Variants in CSMD1 observed in about 807,000 individuals in gnomAD.
The protein encoded by CSMD1 is CUB and sushi domain-containing protein 1.
In CSMD1, 213 loss-of-function variants were observed where a neutral mutation model predicts 417.5. The observed-to-expected ratio is 0.51, with a 90% confidence interval of 0.46 to 0.57. CSMD1 has a LOEUF of 0.57. Ranked by LOEUF, CSMD1 falls within the 20% of genes least tolerant of loss-of-function variation. The pLI is 0.00. For synonymous variants in CSMD1, 2,862 were observed against 1,736.8 expected (o/e 1.65, Z -16.11); for missense variants, 6,923 against 4,529.7 (o/e 1.53, Z -15.17).
intron 1 of CSMD1, among the ~76,000 whole-genome samples, chr8:4,859,831 C>G (rs552208035): frequency 1.6e-4 from 25 of 152,204 alleles, no homozygotes; most frequent in African/African-American, 6.0e-4. Context: ...ACTAGTTCAA[C>G]CATTGTGGAA....
At position 3,021,484 on chromosome 8, in the gene CSMD1, C is replaced by G. The variant is rs568140016; in HGVS notation, c.7856-2834G>C. ...GCCTTATTTTTATGTTCTTTTTCCT[C>G]TGAAGTTTCTAAAAATGAATTGCTT... On this transcript the variant is annotated intron_variant, in intron 51 of 69. Coordinates refer to ENST00000635120, the MANE Select transcript of CSMD1 (RefSeq NM_033225.6). Among the ~76,000 whole-genome samples, 6 of 152,336 alleles carry G rather than the reference C, an allele frequency of 3.9e-5. No individual in the cohort carries two copies. The South Asian group carries it at 1.2e-3, about 32-fold the overall frequency.
chr8:3,241,069 G>A (rs1191383610), intron 26 of CSMD1, among the ~76,000 whole-genome samples: 1 of 145,122 alleles, frequency 6.9e-6, no homozygotes, highest in Non-Finnish European at 1.5e-5. Flanking sequence ...GTTAAGGTGA[G>A]GGGATACAAG....
intron 4 of CSMD1, among the ~76,000 whole-genome samples, chr8:4,027,929 T>A (rs1490829448): frequency 6.6e-6 from 1 of 152,008 alleles, no homozygotes; most frequent in Non-Finnish European, 1.5e-5. Flanking sequence ...ATGGAAATAA[T>A]GGTAGAAATA....
chr8:4,342,016 T>C (rs914073111), intron 3 of CSMD1, among the ~76,000 whole-genome samples: 1 of 152,122 alleles, frequency 6.6e-6, no homozygotes, highest in Non-Finnish European at 1.5e-5. Context: ...TTTTAAGACT[T>C]GGTCTCAAGA....
intron 23 of CSMD1, among the ~76,000 whole-genome samples, chr8:3,311,664 C>T (rs1180133799): frequency 1.3e-5 from 2 of 152,258 alleles, no homozygotes; most frequent in South Asian, 2.1e-4. Context: ...ATACTTTCTA[C>T]TGAACGTGTA....
chr8:3,943,484 C>T (rs1276201116), intron 5 of CSMD1, among the ~76,000 whole-genome samples: 2 of 143,972 alleles, frequency 1.4e-5, no homozygotes, highest in Non-Finnish European at 3.0e-5. Context: ...TCAGTGGGTG[C>T]TGAAATTAGT....
Position 3,610,759 on chromosome 8 carries a change from A to C in CSMD1, c.1097+5951T>G, listed in dbSNP as rs530827037. 5.9e-5 allele frequency among the ~76,000 whole-genome samples: 9 copies of C among 152,126 alleles called. No homozygotes were observed. The South Asian group carries it at 1.4e-3, about 25-fold the overall frequency. ...TATGCTCAGTAGAATTGCATACTTA[A>C]TGCATCTCTTTTTAAGGTGTGCCCC... On this transcript the variant is annotated intron_variant, in intron 8 of 69. Transcript: ENST00000635120.
At chr8:4,386,584 G>A (rs1442109227) in intron 3 of CSMD1, among the ~76,000 whole-genome samples, 1 of 152,224 alleles carries the variant, frequency 6.6e-6, no homozygotes, top group East Asian at 1.9e-4. Flanking sequence ...AGAAAGGCCT[G>A]TTACGGCAGG....
chr8:3,203,159 T>G (rs1421251561), intron 31 of CSMD1, among the ~76,000 whole-genome samples: 1 of 152,230 alleles, frequency 6.6e-6, no homozygotes, highest in Non-Finnish European at 1.5e-5. Context: ...AAGGGGATAG[T>G]AACATGGTCT....
intron 5 of CSMD1, among the ~76,000 whole-genome samples, chr8:3,804,051 T>C (rs2129073834): frequency 6.6e-6 from 1 of 152,222 alleles, no homozygotes; most frequent in African/African-American, 2.4e-5. Flanking sequence ...CCTCAGCCTC[T>C]GAGTAGCTGC....
chr8:4,568,734 C>A (rs981527429), intron 2 of CSMD1, among the ~76,000 whole-genome samples: 5 of 152,260 alleles, frequency 3.3e-5, no homozygotes, highest in African/African-American at 1.2e-4. Flanking sequence ...TACACTCCCA[C>A]CAACAGTGTA....
At chr8:4,240,541 T>A (rs1039631818) in intron 3 of CSMD1, among the ~76,000 whole-genome samples, 7 of 152,224 alleles carry the variant, frequency 4.6e-5, no homozygotes, top group African/African-American at 1.7e-4. Flanking sequence ...TGTAGTGTCC[T>A]CTTAGAAGCC....
chr8:4,963,814 A>T (rs1016690628), intron 1 of CSMD1, among the ~76,000 whole-genome samples: 1 of 152,172 alleles, frequency 6.6e-6, no homozygotes, highest in Non-Finnish European at 1.5e-5. Context: ...AATTATTGAA[A>T]TTTTCACTAA....
intron 4 of CSMD1, among the ~76,000 whole-genome samples, chr8:4,030,400 G>C (rs761288545): frequency 6.6e-6 from 1 of 152,184 alleles, no homozygotes; most frequent in East Asian, 1.9e-4. Flanking sequence ...ACATTCGCAG[G>C]CTCAACACCA....
intron 10 of CSMD1, among the ~76,000 whole-genome samples, chr8:3,553,847 G>A (rs543994168): frequency 6.6e-6 from 1 of 152,128 alleles, no homozygotes; most frequent in Non-Finnish European, 1.5e-5. Context: ...GAAAAGGACT[G>A]AAAACACACA....
rs774267516 is a variant in CSMD1, at chr8:3,639,130, C to T, written c.1010-22333G>A. 9.2e-5 allele frequency among the ~76,000 whole-genome samples: 14 copies of T among 152,162 alleles called. No homozygotes were observed. In the East Asian group the frequency reaches 9.6e-4, roughly 10 times the overall value. On this transcript the variant is annotated intron_variant, in intron 7 of 69. Coordinates refer to ENST00000635120, the MANE Select transcript of CSMD1 (RefSeq NM_033225.6). Reference sequence around the variant, plus strand: ...GGACTTCATTCTAGCAAAAGATTTTCGCAGCTCTACTTTAAGCCTTGCAGT... The same window carrying T: ...GGACTTCATTCTAGCAAAAGATTTTTGCAGCTCTACTTTAAGCCTTGCAGT...
At chr8:3,323,619 G>C (rs1806295983) in intron 23 of CSMD1, among the ~76,000 whole-genome samples, 2 of 152,168 alleles carry the variant, frequency 1.3e-5, no homozygotes, top group African/African-American at 4.8e-5. Context: ...TCAGTACTAA[G>C]AGTTTTCAAA....
chr8:3,514,730 A>G (rs1797217121), intron 10 of CSMD1, among the ~76,000 whole-genome samples: 1 of 152,072 alleles, frequency 6.6e-6, no homozygotes, highest in South Asian at 2.1e-4. Context: ...TATTAATACT[A>G]TTTTTTCAGT....
chr8:3,645,066 G>T (rs182200900), intron 7 of CSMD1, among the ~76,000 whole-genome samples: 29 of 149,738 alleles, frequency 1.9e-4, no homozygotes, highest in African/African-American at 7.0e-4. Flanking sequence ...AGATCCAGCA[G>T]CCTTCTTACC....
Sources: allele counts gnomAD v4.1 joint callset (sites outside exome capture counted in the v4.1 genomes callset), GRCh38; gene constraint gnomAD v4.1.1; transcripts MANE v1.5; gene names NCBI Gene and HGNC (gene_info 2026-07-23, HGNC 2026-07-21).